Variants in SIX6 observed in about 807,000 individuals in gnomAD.
The protein encoded by SIX6 is homeobox protein SIX6.
SIX6 carries 14 observed loss-of-function variants against 23.6 expected under a neutral mutation model. The observed-to-expected ratio is 0.59, with a 90% CI of 0.39 to 0.93. The LOEUF is 0.93. Ranked by LOEUF, SIX6 falls within the 40% of genes least tolerant of loss-of-function variation. The probability of loss-of-function intolerance (pLI) is 0.00; values close to 1 mark genes in which losing one functional copy is unlikely to be tolerated. For missense variants in SIX6, 307 were observed against 325.6 expected, an observed-to-expected ratio of 0.94 and a Z score of 0.44; for synonymous variants, 128 against 144.9, an observed-to-expected ratio of 0.88 and a Z score of 0.84.
chr14:60,511,589 G>T lies in SIX6; in HGVS notation c.*337G>T. ...CCAGATTCTCCCATGGGTATTTCAC[G>T]TCGAAAGGACGCTGTTACATATGTA... On this transcript the variant is annotated 3_prime_UTR_variant, in exon 2 of 2. Coordinates refer to ENST00000327720, the MANE Select transcript of SIX6 (RefSeq NM_007374.3). 2.1e-6 allele frequency: 1 copy of T among 486,646 alleles called. No homozygotes were observed. Among genetic ancestry groups the T allele is most frequent in the Non-Finnish European group, 3.8e-6 (1 of 266,242 alleles). The allele number at this position is 486,646 out of a possible 1,614,324, so 30.1% of individuals were successfully genotyped here. A position where few individuals can be genotyped will look rare whatever the true frequency, so the allele number is the denominator to read the frequency against.
In SIX6 at chr14:60,511,378, C is replaced by T; in HGVS notation, c.*126C>T. The T allele has an allele frequency of 3.3e-6, 4 of 1,208,694 alleles. No individual in the cohort carries two copies. The highest frequency in any genetic ancestry group is 4.8e-6 in the Non-Finnish European group (4 of 836,940). 74.9% of individuals were successfully genotyped at this position (1,208,694 alleles called of 1,614,324 possible). A position where few individuals can be genotyped will look rare whatever the true frequency, so the allele number is the denominator to read the frequency against. On this transcript the variant is annotated 3_prime_UTR_variant, in exon 2 of 2. Transcript: ENST00000327720. ...CAGAAGCCAGGTGACCAGGGACCCG[C>T]GGGCTCGGGTTGCCGTTTCCCGCCC... is the stretch of plus-strand genomic sequence containing the variant.
rs548790491 is a variant in SIX6 at position 60,512,268 on chromosome 14, A to G, written c.*1016A>G. 1.2e-4 allele frequency: 19 copies of G among 152,274 alleles called. No homozygotes were observed. The highest frequency in any genetic ancestry group is 4.6e-4 in the African/African-American group (19 of 41,542). 9.4% of individuals were successfully genotyped at this position (152,274 alleles called of 1,614,324 possible). On this transcript the variant is annotated 3_prime_UTR_variant, in exon 2 of 2. Coordinates refer to ENST00000327720, the MANE Select transcript of SIX6 (RefSeq NM_007374.3). ...TGAGTCCTATTTTCTAAAAATGCAA[A>G]ACTATCCTGACTCAGGCTCTGCAGC...
At chr14:60,509,995 T>C (rs1368121702) in intron 1 of SIX6, 25 bp downstream of exon 1, 2 of 1,573,798 alleles carry the variant, frequency 1.3e-6, no homozygotes, top group Admixed American at 3.6e-5. Context: ...GCCTCCGCGC[T>C]TTGAGCGCAC....
Position 60,509,503 on chromosome 14 carries a change from G to A in SIX6, c.105G>A (p.Trp35Ter). 6.2e-7 allele frequency: 1 copy of A among 1,604,210 alleles called. No homozygotes were observed. The highest frequency in any genetic ancestry group is 8.5e-7 in the Non-Finnish European group (1 of 1,179,972). The change falls in exon 1 of 2, where the codon TGG (tryptophan) becomes TGA (stop). Residue 35 changes from tryptophan (W) to a stop codon, truncating the protein, a stop_gained. Transcript: ENST00000327720. LOFTEE classifies it high-confidence loss of function. Reference sequence around the variant, plus strand: ...TGGAGCGCCTGGGTCGCTTCCTCTGGTCGCTGCCCGTGGCCCCTGCGGCCT... The same window carrying A: ...TGGAGCGCCTGGGTCGCTTCCTCTGATCGCTGCCCGTGGCCCCTGCGGCCT... ...GDVERLGRFLWSLPVAPAACE... is the reference protein window; with the variant it reads ...GDVERLGRFL
chr14:60,510,985 C>A, intron 1 of SIX6, 99 bp from the exon 2 acceptor site: 1 of 1,291,456 alleles, frequency 7.7e-7, no homozygotes, highest in Non-Finnish European at 1.1e-6. Flanking sequence ...TTCGGAAGAA[C>A]CTCTAGCCGC....
At position 60,511,319 on chromosome 14, in the gene SIX6, GGAA is replaced by G. The variant is rs1566691688; in HGVS notation, c.*73_*75del. ...AACGAGAAAAACAAAATGAAAGAGG[GGAA>G]GAAGATGAGAGACCTGCAAATCCAG... On this transcript the variant is annotated 3_prime_UTR_variant, in exon 2 of 2. Coordinates refer to ENST00000327720, the MANE Select transcript of SIX6 (RefSeq NM_007374.3). The G allele has an allele frequency of 1.9e-6, 3 of 1,539,056 alleles. No individual in the cohort carries two copies. The African/African-American group carries it at 4.1e-5, about 21-fold the overall frequency.
In SIX6 at chr14:60,509,253, T is replaced by C. The variant is rs901034031; in HGVS notation, c.-146T>C. ...GTCGGGGTCGTCCGCTCCCGGCCGT[T>C]GAGCCACCGCCGCCACCCGGTAGTG... On this transcript the variant is annotated 5_prime_UTR_variant, in exon 1 of 2. Transcript: ENST00000327720. 90 of 718,548 alleles carry C rather than the reference T, an allele frequency of 1.3e-4. No individual in the cohort carries two copies. The highest frequency in any genetic ancestry group is 1.9e-5 in the Non-Finnish European group (8 of 421,638). The allele number at this position is 718,548 out of a possible 1,614,324, so 44.5% of individuals were successfully genotyped here. A position where few individuals can be genotyped will look rare whatever the true frequency, so the allele number is the denominator to read the frequency against.
In SIX6 at chr14:60,509,471, G is replaced by A; in HGVS notation, c.73G>A (p.Gly25Ser). The A allele has an allele frequency of 1.9e-6, 3 of 1,600,814 alleles. No individual in the cohort carries two copies. Among genetic ancestry groups the A allele is most frequent in the East Asian group, 2.2e-5 (1 of 44,874 alleles). Residue 25 changes from glycine to serine, a missense_variant, in exon 1 of 2, where the codon GGC becomes AGC. Transcript: ENST00000327720. ...AGVCETLEESGDVERLGRFLW... is the reference protein window; with the variant it reads ...AGVCETLEESSDVERLGRFLW... ...GGTATGTGAGACCCTGGAAGAGAGCGGCGATGTGGAGCGCCTGGGTCGCTT... is the reference window on the plus strand; with the variant it reads ...GGTATGTGAGACCCTGGAAGAGAGCAGCGATGTGGAGCGCCTGGGTCGCTT...
chr14:60,510,970 G>A, intron 1 of SIX6, 114 bp from the exon 2 acceptor site: 1 of 1,082,542 alleles, frequency 9.2e-7, no homozygotes, highest in Non-Finnish European at 1.4e-6. Context: ...TTAACTGCTG[G>A]GGTCTTCGGA....
At position 60,509,384 on chromosome 14, in the gene SIX6, G is replaced by T. The variant is rs751549758; in HGVS notation, c.-15G>T. 9.4e-6 allele frequency: 15 copies of T among 1,598,500 alleles called. No individual in the cohort carries two copies. The highest frequency in any genetic ancestry group is 5.0e-5 in the Admixed American group (3 of 60,010). ...CTCCGGGCTCAGTGCCCTCGCCGCC[G>T]CCGGCACTGCCTCGATGTTCCAGCT... On this transcript the variant is annotated 5_prime_UTR_variant, in exon 1 of 2. Coordinates refer to ENST00000327720, the MANE Select transcript of SIX6 (RefSeq NM_007374.3).
rs758603385 is a variant in SIX6 at position 60,509,893 on chromosome 14, C to T, written c.495C>T (p.Thr165=). ...PSKKRELAQA[T]GLTPTQVGNW... ...AAAAACGTGAGCTCGCCCAGGCAAC[C>T]GGACTGACCCCTACGCAGGTGGGCA... The change falls in exon 1 of 2, where the codon ACC becomes ACT. Residue 165 remains threonine (T), a synonymous_variant. Transcript: ENST00000327720. 8 of 1,612,914 alleles carry T rather than the reference C, an allele frequency of 5.0e-6. No homozygotes were observed. In the East Asian group the frequency reaches 1.6e-4, roughly 31 times the overall value.
chr14:60,510,567 T>C (rs1893275641), intron 1 of SIX6, among the ~76,000 whole-genome samples: 1 of 132,632 alleles, frequency 7.5e-6, no homozygotes, highest in Admixed American at 7.6e-5. Context: ...TAGCCAAACA[T>C]TTTGCGGAAG....
At position 60,512,346 on chromosome 14, in the gene SIX6, C is replaced by G. The variant is rs568794411; in HGVS notation, c.*1094C>G. ...CCCCCTCCAATACAAAAGCAGCAGGCACCCATGATCATGCTAGAGTGAGCA... is the reference window on the plus strand; with the variant it reads ...CCCCCTCCAATACAAAAGCAGCAGGGACCCATGATCATGCTAGAGTGAGCA... On this transcript the variant is annotated 3_prime_UTR_variant, in exon 2 of 2. Coordinates refer to ENST00000327720, the MANE Select transcript of SIX6 (RefSeq NM_007374.3). The G allele has an allele frequency of 3.0e-4, 46 of 152,336 alleles. No individual in the cohort carries two copies. The highest frequency in any genetic ancestry group is 1.1e-3 in the African/African-American group (45 of 41,576). The allele number at this position is 152,336 out of a possible 1,614,324, so 9.4% of individuals were successfully genotyped here.
Position 60,511,194 on chromosome 14 carries a change from G to C in SIX6, c.683G>C (p.Ser228Thr), listed in dbSNP as rs757206532. 1.9e-6 allele frequency: 3 copies of C among 1,613,110 alleles called. No homozygotes were observed. Among genetic ancestry groups the C allele is most frequent in the Non-Finnish European group, 2.5e-6 (3 of 1,179,938 alleles). The change falls in exon 2 of 2, where the codon AGC becomes ACC. Residue 228 changes from serine to threonine, a missense_variant. Ser to Thr is a moderately conservative substitution (Grantham distance 58). Coordinates refer to ENST00000327720, the MANE Select transcript of SIX6 (RefSeq NM_007374.3). ...ACCAGCCCGGCCGCCAGTCTATCCAGCAAGGCGGCCACTTCAGCCATCTCC... is the reference window on the plus strand; with the variant it reads ...ACCAGCCCGGCCGCCAGTCTATCCACCAAGGCGGCCACTTCAGCCATCTCC... Reference protein sequence around the residue: ...VATSPAASLSSKAATSAISIT... With the variant: ...VATSPAASLSTKAATSAISIT...
chr14:60,510,937 C>A (rs1345031913), intron 1 of SIX6, 147 bp from the exon 2 acceptor site: 5 of 807,714 alleles, frequency 6.2e-6, no homozygotes, highest in Non-Finnish European at 9.8e-6. Context: ...CGACCTCTGT[C>A]GCCTTGCCGA....
At chr14:60,510,095 T>A in intron 1 of SIX6, 125 bp downstream of exon 1, 1 of 871,944 alleles carries the variant, frequency 1.1e-6, no homozygotes, top group Non-Finnish European at 1.9e-6. Flanking sequence ...CGGTCTGTCT[T>A]GGGTTAAGAG....
chr14:60,509,908 G>C lies in SIX6; in HGVS notation c.510G>C (p.Thr170=). Residue 170 remains threonine, a synonymous_variant, in exon 1 of 2, where the codon ACG becomes ACC. Coordinates refer to ENST00000327720, the MANE Select transcript of SIX6 (RefSeq NM_007374.3). ...CCCAGGCAACCGGACTGACCCCTAC[G>C]CAGGTGGGCAACTGGTTCAAAAACC... The part of the protein sequence containing the change: ...ELAQATGLTP[T]QVGNWFKNRR... 6.2e-7 allele frequency: 1 copy of C among 1,612,246 alleles called. No individual in the cohort carries two copies.
Position 60,509,451 on chromosome 14 carries a change from G to T in SIX6, c.53G>T (p.Cys18Phe). ...NFSPQQVAGVCETLEESGDVE... is the reference protein window; with the variant it reads ...NFSPQQVAGVFETLEESGDVE... ...AGCCCCCAGCAAGTGGCCGGGGTAT[G>T]TGAGACCCTGGAAGAGAGCGGCGAT... Residue 18 changes from cysteine (C) to phenylalanine (F), a missense_variant, in exon 1 of 2, where the codon TGT becomes TTT. Coordinates refer to ENST00000327720, the MANE Select transcript of SIX6 (RefSeq NM_007374.3). 1 of 1,600,030 alleles carries T rather than the reference G, an allele frequency of 6.2e-7. No individual in the cohort carries two copies. Among genetic ancestry groups the T allele is most frequent in the Non-Finnish European group, 8.5e-7 (1 of 1,179,960 alleles).
Position 60,511,479 on chromosome 14 carries a change from C to A in SIX6, c.*227C>A. 1.6e-6 allele frequency: 1 copy of A among 609,002 alleles called. No individual in the cohort carries two copies. Among genetic ancestry groups the A allele is most frequent in the South Asian group, 1.9e-5 (1 of 51,452 alleles). The allele number at this position is 609,002 out of a possible 1,614,324, so 37.7% of individuals were successfully genotyped here. A position where few individuals can be genotyped will look rare whatever the true frequency, so the allele number is the denominator to read the frequency against. ...GAACCAGCGGTGAGGCCTGACCCAG[C>A]ACCACGTTCTTCTTGCTTTGCTTTT... On this transcript the variant is annotated 3_prime_UTR_variant, in exon 2 of 2. Transcript: ENST00000327720.
Sources: gnomAD v4.1 joint callset for allele counts (sites outside exome capture counted in the v4.1 genomes callset) on GRCh38, gnomAD v4.1.1 for gene constraint, MANE v1.5 for transcripts, NCBI Gene and HGNC (gene_info 2026-07-23, HGNC 2026-07-21) for gene names.